Variants in SLC25A18 observed in about 807,000 individuals in gnomAD.
SLC25A18 encodes the protein solute carrier family 25 member 18.
SLC25A18 carries 24 observed loss-of-function variants against 31.1 expected under a neutral mutation model. The observed-to-expected ratio is 0.77, with a 90% CI of 0.56 to 1.08. SLC25A18 has a LOEUF of 1.08. Ranked by LOEUF, SLC25A18 falls within the 50% of genes least tolerant of loss-of-function variation. The pLI is 0.00. For synonymous variants in SLC25A18, 173 were observed against 161.9 expected (o/e 1.07, Z -0.52); for missense variants, 371 against 418.5 (o/e 0.89, Z 0.99).
rs370899981 is a variant in SLC25A18 at position 17,581,151 on chromosome 22, C to T, written c.135C>T (p.Tyr45=). Residue 45 remains tyrosine, a synonymous_variant, in exon 4 of 11, where the codon TAC becomes TAT. Coordinates refer to ENST00000327451, the MANE Select transcript of SLC25A18 (RefSeq NM_031481.3). ...AGAACCAGCATGGGAAAGCCATGTACAAAGGAATGTAGGTGCTGGCAGGCG... is the reference window on the plus strand; with the variant it reads ...AGAACCAGCATGGGAAAGCCATGTATAAAGGAATGTAGGTGCTGGCAGGCG... The part of the protein sequence containing the change: ...RLQNQHGKAM[Y]KGMIDCLMKT... 2.5e-6 allele frequency: 4 copies of T among 1,598,166 alleles called. No individual in the cohort carries two copies. The highest frequency in any genetic ancestry group is 3.4e-6 in the Non-Finnish European group (4 of 1,172,114).
chr22:17,567,649 C>T (rs61677005), intron 1 of SLC25A18, among the ~76,000 whole-genome samples: 3,276 of 151,384 alleles, frequency 0.022, 167 homozygotes, highest in African/African-American at 0.076. Flanking sequence ...CTCCATTTTA[C>T]CTCTCTATCC....
At chr22:17,570,942 G>A (rs1364543989) in intron 2 of SLC25A18, among the ~76,000 whole-genome samples, 1 of 152,246 alleles carries the variant, frequency 6.6e-6, no homozygotes, top group East Asian at 1.9e-4. Flanking sequence ...CATGTGGGAG[G>A]AGGTGACGTC....
At position 17,581,019 on chromosome 22, in the gene SLC25A18, G is replaced by T; in HGVS notation, c.21-18G>T. On this transcript the variant is annotated intron_variant, in intron 3 of 10. Transcript: ENST00000327451. ...CTCCCTCTGCCTCTCTCCTCCCCCT[G>T]TCCTCCCCCTGTCCTAGCATCACAG... 1 of 1,536,082 alleles carries T rather than the reference G, an allele frequency of 6.5e-7. No individual in the cohort carries two copies. Among genetic ancestry groups the T allele is most frequent in the Non-Finnish European group, 8.8e-7 (1 of 1,137,890 alleles).
At chr22:17,566,369 C>T (rs2056936926) in intron 1 of SLC25A18, among the ~76,000 whole-genome samples, 1 of 151,884 alleles carries the variant, frequency 6.6e-6, no homozygotes, top group African/African-American at 2.4e-5. Context: ...ATAATCTTCA[C>T]AGAAACCATT....
chr22:17,580,956 CT>C, intron 3 of SLC25A18, 80 bp from the exon 4 acceptor site: 1 of 1,482,274 alleles, frequency 6.7e-7, no homozygotes, highest in Non-Finnish European at 9.0e-7. Flanking sequence ...GTCTGTGCCC[CT>C]GCCCATTCCT....
intron 4 of SLC25A18, 96 bp downstream of exon 4, chr22:17,581,255 G>A (rs542995091): frequency 1.9e-6 from 3 of 1,581,950 alleles, no homozygotes; most frequent in Admixed American, 1.7e-5. Flanking sequence ...GTGAGCCTGG[G>A]GGCTGGGGAT....
intron 4 of SLC25A18, 92 bp downstream of exon 4, chr22:17,581,251 C>T: frequency 6.3e-7 from 1 of 1,579,112 alleles, no homozygotes; most frequent in African/African-American, 1.3e-5. Flanking sequence ...GCGCGTGAGC[C>T]TGGGGGCTGG....
rs755023735 is a variant in SLC25A18, at chr22:17,583,447, GC to G, written c.324del (p.Cys110ValfsTer10). On this transcript the variant is annotated frameshift_variant, in exon 7 of 11. Coordinates refer to ENST00000327451, the MANE Select transcript of SLC25A18 (RefSeq NM_031481.3). LOFTEE classifies it high-confidence loss of function. ...MQRNLKMEML[A>X]GCGAGMCQVV... ...GCGGAACCTGAAGATGGAGATGCTTGCCGGGTGTGGGGCTGGGATGTGCCAG... is the reference window on the plus strand; with the variant it reads ...GCGGAACCTGAAGATGGAGATGCTTGCGGGTGTGGGGCTGGGATGTGCCAG... 3.7e-6 allele frequency: 6 copies of G among 1,614,012 alleles called. No homozygotes were observed. Among genetic ancestry groups the G allele is most frequent in the Non-Finnish European group, 5.1e-6 (6 of 1,180,050 alleles).
intron 2 of SLC25A18, among the ~76,000 whole-genome samples, chr22:17,579,207 G>GC (rs1361200679): frequency 6.6e-6 from 1 of 151,886 alleles, no homozygotes; most frequent in Non-Finnish European, 1.5e-5. Context: ...TCCTACCTCA[G>GC]CCCCCCAGGT....
intron 7 of SLC25A18, among the ~76,000 whole-genome samples, chr22:17,584,963 G>A (rs995307696): frequency 6.6e-6 from 1 of 151,636 alleles, no homozygotes; most frequent in Admixed American, 6.6e-5. Context: ...CTAAATCCTG[G>A]TCCTCTCAGA....
At position 17,590,177 on chromosome 22, in the gene SLC25A18, A is replaced by ATTGCG; in HGVS notation, c.893_894insGTTGC (p.Gln299LeufsTer15). 1 of 1,614,156 alleles carries ATTGCG rather than the reference A, an allele frequency of 6.2e-7. No homozygotes were observed. The highest frequency in any genetic ancestry group is 2.2e-5 in the East Asian group (1 of 44,882). ...ACTGGTCATAGCACCTCTCTTTGGG[A>ATTGCG]TTGCTCAAGGGGTCTATTTTATTGG... On this transcript the variant is annotated frameshift_variant, in exon 11 of 11. Coordinates refer to ENST00000327451, the MANE Select transcript of SLC25A18 (RefSeq NM_031481.3). LOFTEE classifies it high-confidence loss of function.
chr22:17,584,781 CAAAAAAAAAAAAAAA>C (rs66948770), intron 7 of SLC25A18, among the ~76,000 whole-genome samples: 2 of 20,060 alleles, frequency 1.0e-4, no homozygotes, highest in African/African-American at 2.7e-4. Flanking sequence ...GAATTCATCT[CAAAAAAAAAAAAAAA>C]AAAAAAAAAA....
chr22:17,587,323 C>A (rs1281550277), intron 8 of SLC25A18, 22 bp downstream of exon 8: 1 of 1,602,872 alleles, frequency 6.2e-7, no homozygotes, highest in Non-Finnish European at 8.5e-7. Flanking sequence ...TTCCGGTTCC[C>A]TAGGACAAGT....
chr22:17,578,406 C>G (rs1412791946), intron 2 of SLC25A18, among the ~76,000 whole-genome samples: 1 of 152,220 alleles, frequency 6.6e-6, no homozygotes, highest in East Asian at 1.9e-4. Flanking sequence ...AATGTCTCCC[C>G]CACCCCTCCT....
chr22:17,573,769 T>G (rs1192205865), intron 2 of SLC25A18, among the ~76,000 whole-genome samples: 2 of 152,154 alleles, frequency 1.3e-5, no homozygotes, highest in Non-Finnish European at 2.9e-5. Context: ...ACCAAGGCTC[T>G]CTACAAAGTT....
At chr22:17,583,337 C>T (rs904320917) in intron 6 of SLC25A18, 79 bp from the exon 7 acceptor site, 7 of 1,565,166 alleles carry the variant, frequency 4.5e-6, no homozygotes, top group Admixed American at 1.8e-5. Context: ...CAGGGAAAGT[C>T]CCCCTCTCAC....
At chr22:17,585,919 C>T (rs2057537799) in intron 7 of SLC25A18, among the ~76,000 whole-genome samples, 1 of 152,170 alleles carries the variant, frequency 6.6e-6, no homozygotes, top group East Asian at 1.9e-4. Context: ...TCCCTAAGTA[C>T]TGGGATTACA....
At chr22:17,588,131 C>CTT (rs1216524883) in intron 9 of SLC25A18, 52 bp downstream of exon 9, 1 of 1,603,382 alleles carries the variant, frequency 6.2e-7, no homozygotes, top group Non-Finnish European at 8.5e-7. Flanking sequence ...TAATTTTGCA[C>CTT]TTATAGATAA....
rs1188466519 is a variant in SLC25A18, at chr22:17,589,601, C to T, written c.742C>T (p.Arg248Ter). 11 of 1,613,902 alleles carry T rather than the reference C, an allele frequency of 6.8e-6. No homozygotes were observed. The highest frequency in any genetic ancestry group is 1.1e-5 in the South Asian group (1 of 91,070). The change falls in exon 10 of 11, where the codon CGA becomes TGA. Residue 248 changes from arginine to a stop codon, truncating the protein, a stop_gained. Coordinates refer to ENST00000327451, the MANE Select transcript of SLC25A18 (RefSeq NM_031481.3). LOFTEE classifies it high-confidence loss of function. The stretch of plus-strand genomic sequence containing the variant: ...TTTACTTGATTTAGTTCTGAAAACT[C>T]GAATCCAAACCCTCAAGAAAGGCCT... ...AVTPLDVLKT[R>*]IQTLKKGLGE...
Sources: gnomAD v4.1 joint callset for allele counts (sites outside exome capture counted in the v4.1 genomes callset) on GRCh38, gnomAD v4.1.1 for gene constraint, MANE v1.5 for transcripts, NCBI Gene and HGNC (gene_info 2026-07-23, HGNC 2026-07-21) for gene names.